Variants in APLF observed in about 807,000 individuals in gnomAD.
APLF encodes aprataxin and PNKP like factor.
Under a neutral mutation model 55.6 loss-of-function variants are expected in APLF, and 61 were observed. The ratio of observed to expected loss-of-function variants is 1.10; its 90% CI spans 0.89 to 1.36. The LOEUF (loss-of-function observed/expected upper bound fraction) is 1.36. Ranked by LOEUF, APLF falls within the 40% of genes most tolerant of loss-of-function variation. APLF has a pLI of 0.00. For synonymous variants in APLF, 207 were observed against 214.8 expected (o/e 0.96, Z 0.32); for missense variants, 611 against 602.5 (o/e 1.01, Z -0.15).
intron 5 of APLF, 93 bp downstream of exon 5, chr2:68,513,773 A>C: frequency 7.9e-7 from 1 of 1,258,420 alleles, no homozygotes; most frequent in Non-Finnish European, 1.1e-6. Context: ...CTAGTTCTAT[A>C]GAGATAGAGT....
chr2:68,525,068 C>T (rs190200005), intron 5 of APLF, among the ~76,000 whole-genome samples: 33 of 152,086 alleles, frequency 2.2e-4, no homozygotes, highest in South Asian at 1.0e-3. Flanking sequence ...CTGAGACAGG[C>T]GGATCACCTG....
At chr2:68,469,232 C>A (rs1200292897) in intron 1 of APLF, among the ~76,000 whole-genome samples, 2 of 152,056 alleles carry the variant, frequency 1.3e-5, no homozygotes, top group African/African-American at 4.8e-5. Context: ...AGGTTTGAAA[C>A]TTAAGAGTAT....
chr2:68,524,277 AAAT>A (rs1447570593), intron 5 of APLF, among the ~76,000 whole-genome samples: 5 of 152,206 alleles, frequency 3.3e-5, no homozygotes, highest in Non-Finnish European at 7.3e-5. Context: ...AATTTAGTTA[AAAT>A]TTAGTTATTA....
intron 5 of APLF, among the ~76,000 whole-genome samples, chr2:68,525,615 T>C (rs937492156): frequency 2.0e-5 from 3 of 152,190 alleles, no homozygotes; most frequent in African/African-American, 7.2e-5. Context: ...AATGCACGGC[T>C]GGAGCTCTTG....
chr2:68,501,920 C>T (rs1676733704), intron 2 of APLF, among the ~76,000 whole-genome samples: 2 of 152,116 alleles, frequency 1.3e-5, no homozygotes, highest in South Asian at 2.1e-4. Context: ...TTATTTGGCT[C>T]ACCATTCTGG....
intron 5 of APLF, among the ~76,000 whole-genome samples, chr2:68,520,234 GT>G (rs751143248): frequency 7.2e-5 from 11 of 151,964 alleles, no homozygotes; most frequent in Non-Finnish European, 1.6e-4. Context: ...CAGATGCATA[GT>G]TTGCGAAGAT....
intron 1 of APLF, among the ~76,000 whole-genome samples, chr2:68,484,235 T>C (rs1157102384): frequency 6.6e-6 from 1 of 152,184 alleles, no homozygotes; most frequent in Middle Eastern, 3.2e-3. Flanking sequence ...AATCTTCATA[T>C]CTTAAAACTA....
intron 6 of APLF, chr2:68,535,342 A>G (rs1441704706): frequency 7.0e-6 from 3 of 428,618 alleles, no homozygotes; most frequent in Non-Finnish European, 1.4e-5. Context: ...GAAAACCTCC[A>G]TTTGCCTCAT....
Position 68,529,366 on chromosome 2 carries a change from A to G in APLF, c.804+3124A>G. On this transcript the variant is annotated intron_variant, in intron 6 of 9. Coordinates refer to ENST00000303795, the MANE Select transcript of APLF (RefSeq NM_173545.3). The surrounding 1 kb of genome is among the most constrained non-coding windows in gnomAD (Gnocchi z 4.4). ...CAGGAGCCGCGGGGTGAGCCCGGCCAGCTGGGAAGGCCTCACGGACAAGAC... is the reference window on the plus strand; with the variant it reads ...CAGGAGCCGCGGGGTGAGCCCGGCCGGCTGGGAAGGCCTCACGGACAAGAC... 1 of 1,303,656 alleles carries G rather than the reference A, an allele frequency of 7.7e-7. No individual in the cohort carries two copies. Among genetic ancestry groups the G allele is most frequent in the Non-Finnish European group, 9.7e-7 (1 of 1,026,528 alleles). The allele number at this position is 1,303,656 out of a possible 1,614,324, so 80.8% of individuals were successfully genotyped here.
chr2:68,515,146 A>G (rs1029958842), intron 5 of APLF, among the ~76,000 whole-genome samples: 2 of 151,734 alleles, frequency 1.3e-5, no homozygotes, highest in African/African-American at 2.4e-5. Context: ...AAGTGTTCTC[A>G]TGGGAAAAGT....
At chr2:68,480,448 C>T (rs867583443) in intron 1 of APLF, among the ~76,000 whole-genome samples, 2 of 152,032 alleles carry the variant, frequency 1.3e-5, no homozygotes, top group African/African-American at 2.4e-5. Flanking sequence ...GGATTACAGG[C>T]GCCCACCACC....
intron 2 of APLF, among the ~76,000 whole-genome samples, chr2:68,494,277 CAAAAAA>C (rs59466460): frequency 1.6e-4 from 8 of 49,546 alleles, no homozygotes; most frequent in East Asian, 1.5e-3. Context: ...GACCCCGTCT[CAAAAAA>C]AAAAAAAAAA....
At chr2:68,550,561 T>C (rs1670831896) in intron 8 of APLF, among the ~76,000 whole-genome samples, 1 of 152,130 alleles carries the variant, frequency 6.6e-6, no homozygotes, top group Non-Finnish European at 1.5e-5. Context: ...TAATGATATA[T>C]TTTAATTTTT....
chr2:68,512,968 T>A (rs1333354738), intron 3 of APLF, 112 bp from the exon 4 acceptor site: 1 of 886,620 alleles, frequency 1.1e-6, no homozygotes, highest in African/African-American at 1.7e-5. Flanking sequence ...TATAATCTGC[T>A]TTTTTTGGTT....
intron 6 of APLF, chr2:68,528,510 C>T (rs574493205): frequency 1.3e-4 from 201 of 1,533,866 alleles, no homozygotes; most frequent in Middle Eastern, 2.3e-4. Context: ...GACCTGTGGC[C>T]GGCAGCTCTG....
intron 8 of APLF, among the ~76,000 whole-genome samples, chr2:68,555,482 A>G (rs1489582533): frequency 6.6e-6 from 1 of 152,140 alleles, no homozygotes; most frequent in South Asian, 2.1e-4. Context: ...AAGCAATCCA[A>G]TCAAAAAGTA....
In APLF at chr2:68,513,538, G is replaced by T. The variant is rs1338999955; in HGVS notation, c.490-10G>T. 1 of 1,607,460 alleles carries T rather than the reference G, an allele frequency of 6.2e-7. No homozygotes were observed. Among genetic ancestry groups the T allele is most frequent in the Non-Finnish European group, 8.5e-7 (1 of 1,176,928 alleles). On this transcript the variant is annotated splice_polypyrimidine_tract_variant and intron_variant, in intron 4 of 9. Transcript: ENST00000303795. ...TGATTATTTTTAGTAATTTATAGGTGTCTTTTTAGTCTTTCCTAGGTGAAA... is the reference window on the plus strand; with the variant it reads ...TGATTATTTTTAGTAATTTATAGGTTTCTTTTTAGTCTTTCCTAGGTGAAA...
intron 7 of APLF, 84 bp from the exon 8 acceptor site, chr2:68,545,103 G>T: frequency 1.3e-6 from 2 of 1,496,084 alleles, no homozygotes; most frequent in Non-Finnish European, 1.8e-6. Context: ...GCCAGATGTG[G>T]ATTGTCTGGT....
At chr2:68,506,129 C>T (rs2103939661) in intron 3 of APLF, among the ~76,000 whole-genome samples, 1 of 151,938 alleles carries the variant, frequency 6.6e-6, no homozygotes, top group South Asian at 2.1e-4. Context: ...CATACCATCA[C>T]AGGCACATTC....
Sources: gnomAD v4.1 joint callset for allele counts (sites outside exome capture counted in the v4.1 genomes callset) on GRCh38, gnomAD v4.1.1 for gene constraint, Gnocchi (gnomAD v3.1) non-coding constraint, MANE v1.5 for transcripts, NCBI Gene and HGNC (gene_info 2026-07-23, HGNC 2026-07-21) for gene names.